CACHD1: variants seen among roughly 807,000 people sequenced by gnomAD.
CACHD1 encodes the protein cache domain containing 1.
CACHD1 carries 71 observed loss-of-function variants against 138.7 expected under a neutral mutation model. The observed-to-expected ratio is 0.51, with a 90% CI of 0.42 to 0.62. The LOEUF is 0.62. Ranked by LOEUF, CACHD1 falls within the 20% of genes least tolerant of loss-of-function variation. The pLI, the probability that CACHD1 is intolerant of heterozygous loss-of-function variation, is 0.00. For synonymous variants in CACHD1, 578 were observed against 591.5 expected, an observed-to-expected ratio of 0.98 and a Z score of 0.33; for missense variants, 1,389 against 1,625.3, an observed-to-expected ratio of 0.85 and a Z score of 2.50.
intron 19 of CACHD1, among the ~76,000 whole-genome samples, chr1:64,673,756 G>C (rs1329375101): frequency 6.6e-6 from 1 of 152,134 alleles, no homozygotes; most frequent in Non-Finnish European, 1.5e-5. Flanking sequence ...GCTGAAGTTG[G>C]TTCCCACAGT....
At chr1:64,612,120 A>G (rs1456948168) in intron 4 of CACHD1, among the ~76,000 whole-genome samples, 1 of 152,156 alleles carries the variant, frequency 6.6e-6, no homozygotes, top group Non-Finnish European at 1.5e-5. Context: ...CCATGATCCA[A>G]TTGCCTCATA....
intron 4 of CACHD1, among the ~76,000 whole-genome samples, chr1:64,627,408 A>G (rs977801192): frequency 3.3e-5 from 5 of 152,174 alleles, no homozygotes; most frequent in African/African-American, 1.2e-4. Flanking sequence ...CCCTGTCTCA[A>G]AAAAATTTTT....
intron 4 of CACHD1, among the ~76,000 whole-genome samples, chr1:64,604,851 C>T (rs1647289490): frequency 6.6e-6 from 1 of 152,014 alleles, no homozygotes; most frequent in Non-Finnish European, 1.5e-5. Flanking sequence ...TGGGGTTTCA[C>T]CATGTTGGAC....
intron 1 of CACHD1, among the ~76,000 whole-genome samples, chr1:64,546,088 G>A (rs565679490): frequency 4.6e-5 from 7 of 152,104 alleles, no homozygotes; most frequent in Non-Finnish European, 7.3e-5. Context: ...TCATTTCCAG[G>A]GATTTGCAAA....
intron 4 of CACHD1, among the ~76,000 whole-genome samples, chr1:64,607,008 A>G (rs902609324): frequency 6.6e-6 from 1 of 152,234 alleles, no homozygotes; most frequent in African/African-American, 2.4e-5. Flanking sequence ...TCTAAGTAGA[A>G]GGGCCTCATA....
intron 12 of CACHD1, among the ~76,000 whole-genome samples, chr1:64,656,737 G>A (rs1649275282): frequency 1.3e-5 from 2 of 151,862 alleles, no homozygotes; most frequent in Non-Finnish European, 2.9e-5. Flanking sequence ...AAATTGTTGA[G>A]CAGATCCCTG....
intron 16 of CACHD1, among the ~76,000 whole-genome samples, chr1:64,666,848 C>CAAAAAAAAAAAAAA (rs946649209): frequency 2.9e-5 from 1 of 33,956 alleles, no homozygotes; most frequent in Non-Finnish European, 5.6e-5. Flanking sequence ...GATCCTGTCT[C>CAAAAAAAAAAAAAA]AAAAAAAAAA....
At chr1:64,542,186 A>G (rs968582169) in intron 1 of CACHD1, among the ~76,000 whole-genome samples, 3 of 152,248 alleles carry the variant, frequency 2.0e-5, no homozygotes, top group South Asian at 2.1e-4. Context: ...TAAGCACTAT[A>G]TAAGCATTAG....
At chr1:64,596,602 T>C (rs1647154012) in intron 3 of CACHD1, among the ~76,000 whole-genome samples, 1 of 152,230 alleles carries the variant, frequency 6.6e-6, no homozygotes, top group Non-Finnish European at 1.5e-5. Flanking sequence ...TCAGTGGCAC[T>C]GGCAGCAAAG....
At chr1:64,475,655 T>C (rs1646170767) in intron 1 of CACHD1, among the ~76,000 whole-genome samples, 1 of 152,116 alleles carries the variant, frequency 6.6e-6, no homozygotes, top group Non-Finnish European at 1.5e-5. Context: ...CACGCCATTC[T>C]CCTGCCTCAG....
chr1:64,688,456 C>A (rs1650435845), intron 26 of CACHD1, among the ~76,000 whole-genome samples: 1 of 152,108 alleles, frequency 6.6e-6, no homozygotes, highest in South Asian at 2.1e-4. Context: ...AACCTAGAAA[C>A]CTCGACCTTT....
intron 8 of CACHD1, among the ~76,000 whole-genome samples, chr1:64,646,189 G>A (rs145618316): frequency 1.6e-3 from 238 of 152,226 alleles, no homozygotes; most frequent in African/African-American, 4.8e-3. Context: ...GTTATTGCTC[G>A]AGTTTTCTTC....
At chr1:64,660,805 C>T (rs1649418137) in intron 13 of CACHD1, among the ~76,000 whole-genome samples, 1 of 152,208 alleles carries the variant, frequency 6.6e-6, no homozygotes, top group African/African-American at 2.4e-5. Context: ...GCTGGGATTA[C>T]AGGCGCCACT....
intron 17 of CACHD1, 85 bp from the exon 18 acceptor site, chr1:64,673,073 C>A (rs370034948): frequency 2.7e-6 from 3 of 1,118,346 alleles, no homozygotes; most frequent in Non-Finnish European, 4.1e-6. Flanking sequence ...TGTTTCAGGG[C>A]TAGCAAGATA....
intron 1 of CACHD1, among the ~76,000 whole-genome samples, chr1:64,508,353 T>C (rs1646393167): frequency 6.6e-6 from 1 of 152,162 alleles, no homozygotes; most frequent in South Asian, 2.1e-4. Context: ...GGAGAGGTAT[T>C]CTTGTATTAA....
At chr1:64,489,080 TTG>T (rs1331617252) in intron 1 of CACHD1, among the ~76,000 whole-genome samples, 1 of 152,150 alleles carries the variant, frequency 6.6e-6, no homozygotes, top group Admixed American at 6.5e-5. Context: ...CCCTGGAGGA[TTG>T]TGTTTCAGGG....
chr1:64,673,206 C>T lies in CACHD1; in HGVS notation c.2559C>T (p.Leu853=). ...DRGYLVAHPT[L]IDPKGHAPVE... ...GTTATCTGGTGGCGCACCCGACTCT[C>T]ATCGACCCCAAAGGACATGCACCTG... The change falls in exon 18 of 27, where the codon CTC becomes CTT. Residue 853 remains leucine (L), a synonymous_variant. Coordinates refer to ENST00000651257, the MANE Select transcript of CACHD1 (RefSeq NM_020925.4). 6.2e-7 allele frequency: 1 copy of T among 1,614,030 alleles called. No individual in the cohort carries two copies.
chr1:64,473,344 G>T (rs1646156871), intron 1 of CACHD1, among the ~76,000 whole-genome samples: 1 of 152,140 alleles, frequency 6.6e-6, no homozygotes, highest in East Asian at 1.9e-4. Flanking sequence ...TCGAATGCAG[G>T]TTAGATTTTT....
chr1:64,505,133 G>C (rs1329558644), intron 1 of CACHD1, among the ~76,000 whole-genome samples: 1 of 152,124 alleles, frequency 6.6e-6, no homozygotes, highest in Non-Finnish European at 1.5e-5. Flanking sequence ...TAGAGGTATA[G>C]AGGTAACTTT....
Sources: gnomAD v4.1 joint callset for allele counts (sites outside exome capture counted in the v4.1 genomes callset) on GRCh38, gnomAD v4.1.1 for gene constraint, MANE v1.5 for transcripts, NCBI Gene and HGNC (gene_info 2026-07-23, HGNC 2026-07-21) for gene names.